OR51B5: variants seen among roughly 807,000 people sequenced by gnomAD.
OR51B5 encodes the protein olfactory receptor 51B5.
For synonymous variants in OR51B5, 186 were observed against 144.8 expected (o/e 1.28, Z -2.04); for missense variants, 456 against 374.6 (o/e 1.22, Z -1.79).
chr11:5,479,677 C>G (rs1212215639), intron 1 of OR51B5, among the ~76,000 whole-genome samples: 1 of 151,060 alleles, frequency 6.6e-6, no homozygotes, highest in Admixed American at 6.6e-5. Flanking sequence ...ATCTACCAAG[C>G]AAATGGAAAA....
chr11:5,378,076 G>T, intron 1 of OR51B5, among the ~76,000 whole-genome samples: 1 of 152,048 alleles, frequency 6.6e-6, no homozygotes, highest in Non-Finnish European at 1.5e-5. Context: ...CAAGGCTACA[G>T]TAACCAAAAC....
chr11:5,437,964 T>C lies in OR51B5; in HGVS notation n.84+67605A>G, dbSNP rs145249540. Among the ~76,000 whole-genome samples, 379 of 152,260 alleles carry C rather than the reference T, an allele frequency of 2.5e-3. 1 individual carries two copies. Among genetic ancestry groups the C allele is most frequent in the Non-Finnish European group, 4.5e-3 (309 of 67,996 alleles). On this transcript the variant is annotated intron_variant and non_coding_transcript_variant, in intron 1 of 4. Coordinates refer to the OR51B5 transcript ENST00000415970. ...ATGTTCTCTTCCCCATGTGGAGCAC[T>C]GAAATATCAAAGGAACAGAGGAACA...
chr11:5,478,708 A>C (rs201755542), intron 1 of OR51B5, among the ~76,000 whole-genome samples: 17,342 of 151,716 alleles, frequency 0.11, 1,274 homozygotes, highest in Admixed American at 0.17. Context: ...GAACTACGTG[A>C]AGAATGCAGA....
At chr11:5,344,397 C>T (rs933906666), upstream of OR51B5, among the ~76,000 whole-genome samples, 1 of 152,074 alleles carries the variant, frequency 6.6e-6, no homozygotes, top group East Asian at 1.9e-4. Flanking sequence ...TCTGACCTCT[C>T]TCATTTCAAG....
At chr11:5,464,783 T>C (rs917815292) in intron 1 of OR51B5, among the ~76,000 whole-genome samples, 1 of 152,306 alleles carries the variant, frequency 6.6e-6, no homozygotes, top group East Asian at 1.9e-4. Context: ...AAGATTTATA[T>C]TCCTTTGGGT....
chr11:5,417,212 C>T (rs201013518), intron 1 of OR51B5, among the ~76,000 whole-genome samples: 1 of 151,170 alleles, frequency 6.6e-6, no homozygotes, highest in Admixed American at 6.6e-5. Flanking sequence ...GCTGGGAAAA[C>T]TGGCTAGCCA....
At chr11:5,459,982 C>T (rs1176185448) in intron 1 of OR51B5, among the ~76,000 whole-genome samples, 4 of 152,078 alleles carry the variant, frequency 2.6e-5, no homozygotes, top group Admixed American at 6.6e-5. Flanking sequence ...AACCCAAATG[C>T]CCATCAATGG....
intron 1 of OR51B5, among the ~76,000 whole-genome samples, chr11:5,370,753 G>T (rs193244144): frequency 1.3e-5 from 2 of 152,266 alleles, no homozygotes; most frequent in East Asian, 3.9e-4. Context: ...ATAAAAAAGT[G>T]ACAAAAATAA....
At chr11:5,386,128 G>C (rs895721837) in intron 1 of OR51B5, among the ~76,000 whole-genome samples, 1 of 152,036 alleles carries the variant, frequency 6.6e-6, no homozygotes, top group Non-Finnish European at 1.5e-5. Context: ...TAAAGGATCC[G>C]CAAGTGTTTA....
intron 1 of OR51B5, among the ~76,000 whole-genome samples, chr11:5,431,897 A>G (rs890214862): frequency 2.6e-5 from 4 of 152,166 alleles, no homozygotes; most frequent in Non-Finnish European, 4.4e-5. Context: ...CTTTTTATGG[A>G]TGCATAATAT....
At chr11:5,343,498 G>T in exon 1 of OR51B5, 2 of 1,204,562 alleles carry the variant, frequency 1.7e-6, no homozygotes, top group Non-Finnish European at 2.4e-6. Flanking sequence ...TCAATAGGAA[G>T]GGATGGGAGC....
chr11:5,436,888 A>G (rs1235368577), intron 1 of OR51B5, among the ~76,000 whole-genome samples: 1 of 120,640 alleles, frequency 8.3e-6, no homozygotes, highest in East Asian at 2.0e-4. Flanking sequence ...TTGGACTGAG[A>G]GGCAGAGGAC....
intron 1 of OR51B5, among the ~76,000 whole-genome samples, chr11:5,460,510 T>C (rs1851034429): frequency 6.6e-6 from 1 of 152,198 alleles, no homozygotes. Flanking sequence ...TTCCTTGAAC[T>C]GTGTTTCAAC....
chr11:5,348,247 C>T (rs562749863), upstream of OR51B5, among the ~76,000 whole-genome samples: 1 of 152,178 alleles, frequency 6.6e-6, no homozygotes, highest in Admixed American at 6.5e-5. Flanking sequence ...GCAAACAATT[C>T]TACGAACAAA....
chr11:5,353,847 T>C (rs997116778), intron 1 of OR51B5, among the ~76,000 whole-genome samples: 4 of 152,216 alleles, frequency 2.6e-5, no homozygotes, highest in Non-Finnish European at 5.9e-5. Context: ...ATTCTTGGGA[T>C]GTATAAATAA....
intron 1 of OR51B5, among the ~76,000 whole-genome samples, chr11:5,468,215 G>C (rs1171096715): frequency 6.6e-6 from 1 of 152,094 alleles, no homozygotes; most frequent in African/African-American, 2.4e-5. Flanking sequence ...TAGTACATTG[G>C]GACAAAAAGG....
intron 1 of OR51B5, among the ~76,000 whole-genome samples, chr11:5,462,141 C>T (rs1401360136): frequency 6.6e-6 from 1 of 152,022 alleles, no homozygotes; most frequent in East Asian, 1.9e-4. Context: ...TTTGTCTTGC[C>T]CTGTCATGGG....
intron 1 of OR51B5, among the ~76,000 whole-genome samples, chr11:5,386,614 A>G (rs1157384936): frequency 6.6e-6 from 1 of 152,106 alleles, no homozygotes; most frequent in East Asian, 1.9e-4. Flanking sequence ...AGTGATTCAT[A>G]GAGTTAGTAC....
rs545971749 is a variant in OR51B5 at position 5,371,237 on chromosome 11, C to G, written n.85-24327G>C. 2.6e-5 allele frequency among the ~76,000 whole-genome samples: 4 copies of G among 152,260 alleles called. No homozygotes were observed. The East Asian group carries it at 7.7e-4, about 29-fold the overall frequency. Reference sequence around the variant, plus strand: ...TCTGATGTTTATACTCTAAGCCACACAGCACCTTTCCCCGGATCTAGGGTC... The same window carrying G: ...TCTGATGTTTATACTCTAAGCCACAGAGCACCTTTCCCCGGATCTAGGGTC... On this transcript the variant is annotated intron_variant and non_coding_transcript_variant, in intron 1 of 4. Transcript: ENST00000415970.
Sources: gnomAD v4.1 joint callset for allele counts (sites outside exome capture counted in the v4.1 genomes callset) on GRCh38, gnomAD v4.1.1 for gene constraint, MANE v1.5 for transcripts, NCBI Gene and HGNC (gene_info 2026-07-23, HGNC 2026-07-21) for gene names.